The following MCTP1 variants were observed in gnomAD, a reference collection of about 807,000 sequenced individuals.
MCTP1 encodes the protein multiple C2 and transmembrane domain containing 1.
Under a neutral mutation model 120.6 loss-of-function variants are expected in MCTP1, and 69 were observed. The ratio of observed to expected loss-of-function variants is 0.57; its 90% CI spans 0.47 to 0.70. MCTP1 has a LOEUF of 0.70. MCTP1 is among the 30% of genes least tolerant of loss of function. The probability of loss-of-function intolerance (pLI) is 0.00; values close to 1 mark genes in which losing one functional copy is unlikely to be tolerated. For synonymous variants in MCTP1, 529 were observed against 493.1 expected (o/e 1.07, Z -0.96); for missense variants, 1,203 against 1,248.8 (o/e 0.96, Z 0.55).
chr5:95,213,661 CAG>C (rs1752674614), intron 1 of MCTP1, among the ~76,000 whole-genome samples: 2 of 151,470 alleles, frequency 1.3e-5, no homozygotes, highest in African/African-American at 4.8e-5. Context: ...GGTACCAAAA[CAG>C]AGATATAGAT....
At chr5:95,186,226 G>GT (rs1749190480) in intron 1 of MCTP1, among the ~76,000 whole-genome samples, 1 of 148,820 alleles carries the variant, frequency 6.7e-6, no homozygotes, top group South Asian at 2.1e-4. Context: ...TGCAGATAAC[G>GT]TAATTGTCTA....
At chr5:95,239,208 T>A (rs1457098471) in intron 1 of MCTP1, among the ~76,000 whole-genome samples, 1 of 152,124 alleles carries the variant, frequency 6.6e-6, no homozygotes, top group Admixed American at 6.6e-5. Flanking sequence ...TGGAGAAATC[T>A]CCTGAAGACG....
chr5:95,001,704 C>A (rs191715586), intron 2 of MCTP1, among the ~76,000 whole-genome samples: 2 of 152,040 alleles, frequency 1.3e-5, no homozygotes, highest in South Asian at 4.1e-4. Context: ...AATTTCTAAG[C>A]GGCAAACTGT....
At chr5:95,156,960 G>A (rs1459793161) in intron 1 of MCTP1, among the ~76,000 whole-genome samples, 1 of 152,130 alleles carries the variant, frequency 6.6e-6, no homozygotes, top group African/African-American at 2.4e-5. Context: ...TGAGTAGAGA[G>A]AGAGTCAAGC....
chr5:94,766,637 G>A (rs138569214), intron 19 of MCTP1, among the ~76,000 whole-genome samples: 4,238 of 151,416 alleles, frequency 0.028, 74 homozygotes, highest in Non-Finnish European at 0.031. Context: ...AAACCTGCAC[G>A]TTGTGCACAT....
intron 18 of MCTP1, among the ~76,000 whole-genome samples, chr5:94,796,549 G>GTA (rs1390112120): frequency 8.6e-4 from 111 of 129,394 alleles, no homozygotes; most frequent in Non-Finnish European, 1.5e-3. Context: ...CCCTAAATTC[G>GTA]TATATATGTG....
chr5:95,263,076 G>C (rs777162460), intron 1 of MCTP1, among the ~76,000 whole-genome samples: 6 of 152,200 alleles, frequency 3.9e-5, no homozygotes, highest in Non-Finnish European at 7.3e-5. Context: ...TATCTATGCA[G>C]TGCAAGCAGT....
At chr5:94,936,027 C>T (rs1457566072) in intron 5 of MCTP1, among the ~76,000 whole-genome samples, 2 of 151,908 alleles carry the variant, frequency 1.3e-5, no homozygotes, top group East Asian at 3.9e-4. Context: ...TAAGCTGATA[C>T]TTGACATGTT....
chr5:95,164,044 G>A (rs1459192750), intron 1 of MCTP1, among the ~76,000 whole-genome samples: 1 of 152,000 alleles, frequency 6.6e-6, no homozygotes, highest in Non-Finnish European at 1.5e-5. Context: ...TATTACTTCT[G>A]CATCTGAGTT....
intron 2 of MCTP1, among the ~76,000 whole-genome samples, chr5:94,965,693 G>A (rs995075236): frequency 3.3e-5 from 5 of 152,052 alleles, no homozygotes; most frequent in Admixed American, 6.6e-5. Flanking sequence ...TGATAAATTC[G>A]TGCACATTTA....
Position 95,180,604 on chromosome 5 carries a change from C to T in MCTP1, c.720+103252G>A, listed in dbSNP as rs1582458790. Among the ~76,000 whole-genome samples, 3 of 152,064 alleles carry T rather than the reference C, an allele frequency of 2.0e-5. No individual in the cohort carries two copies. The South Asian group carries it at 6.2e-4, about 32-fold the overall frequency. The stretch of plus-strand genomic sequence containing the variant: ...TCACGTCTACAGTTCGGGGCACTAC[C>T]GGGTATAGTCCTTAACCTCTTACTG... On this transcript the variant is annotated intron_variant, in intron 1 of 22. Transcript: ENST00000515393.
chr5:94,980,268 C>A (rs1473534729), intron 2 of MCTP1, among the ~76,000 whole-genome samples: 4 of 152,098 alleles, frequency 2.6e-5, no homozygotes, highest in Non-Finnish European at 5.9e-5. Context: ...ATTCATCTTC[C>A]CACTTTCCAA....
At chr5:94,944,091 A>C (rs1443162703) in intron 3 of MCTP1, among the ~76,000 whole-genome samples, 1 of 152,048 alleles carries the variant, frequency 6.6e-6, no homozygotes, top group African/African-American at 2.4e-5. Flanking sequence ...AATTTAAGAA[A>C]ATTTAATATG....
intron 1 of MCTP1, among the ~76,000 whole-genome samples, chr5:95,127,098 T>C (rs1416487021): frequency 2.6e-5 from 4 of 152,114 alleles, no homozygotes. Flanking sequence ...ATTTCAGAAA[T>C]ATAGCAGGCA....
At chr5:95,211,452 T>G (rs1391553344) in intron 1 of MCTP1, among the ~76,000 whole-genome samples, 1 of 152,172 alleles carries the variant, frequency 6.6e-6, no homozygotes, top group Non-Finnish European at 1.5e-5. Context: ...TACCCTTTCT[T>G]CCAGTTGATC....
chr5:94,815,340 T>C (rs1784300438), intron 17 of MCTP1, among the ~76,000 whole-genome samples: 1 of 152,186 alleles, frequency 6.6e-6, no homozygotes, highest in African/African-American at 2.4e-5. Flanking sequence ...ATATCAAGCA[T>C]GGAAAAGCAG....
intron 17 of MCTP1, chr5:94,867,916 T>C (rs1365480511): frequency 6.4e-6 from 1 of 157,288 alleles, no homozygotes; most frequent in Non-Finnish European, 1.4e-5. Context: ...AGCATTCTAC[T>C]ACCAATGATT....
Position 94,710,918 on chromosome 5 carries a change from G to T in MCTP1, c.2730C>A (p.Asn910Lys). ...SFGERIKNTF[N>K]WTVPFLSWLA... is the part of the protein sequence containing the mutation. ...GCCAGCTTAAGAATGGGACAGTCCA[G>T]TTGAAAGTACTGAATGGAAAATTAA... Residue 910 changes from asparagine (N) to lysine (K), a missense_variant, in exon 21 of 23, where the codon AAC becomes AAA. Physicochemically the swap from Asn to Lys is moderately conservative, Grantham distance 94. Transcript: ENST00000515393. 6.2e-7 allele frequency: 1 copy of T among 1,610,106 alleles called. No homozygotes were observed. Among genetic ancestry groups the T allele is most frequent in the East Asian group, 2.2e-5 (1 of 44,806 alleles).
chr5:94,847,861 C>A (rs968640416), intron 17 of MCTP1, among the ~76,000 whole-genome samples: 1 of 151,956 alleles, frequency 6.6e-6, no homozygotes, highest in Non-Finnish European at 1.5e-5. Flanking sequence ...ACTATGAGAA[C>A]CAGTGTAATG....
Sources: allele counts gnomAD v4.1 joint callset (sites outside exome capture counted in the v4.1 genomes callset), GRCh38; gene constraint gnomAD v4.1.1; transcripts MANE v1.5; gene names NCBI Gene and HGNC (gene_info 2026-07-23, HGNC 2026-07-21).